The following VIPR1 variants were observed in gnomAD, a reference collection of about 807,000 sequenced individuals.
VIPR1 encodes vasoactive intestinal polypeptide receptor 1.
VIPR1 carries 59 observed loss-of-function variants against 58.8 expected under a neutral mutation model. That is an observed-to-expected ratio of 1.00 (90% CI 0.81 to 1.25). The LOEUF (loss-of-function observed/expected upper bound fraction) is 1.25, where lower values mean the gene tolerates loss of function less well. Ranked by LOEUF, VIPR1 falls within the 50% of genes most tolerant of loss-of-function variation. The pLI is 0.00. For synonymous variants in VIPR1, 251 were observed against 242.1 expected (o/e 1.04, Z -0.34); for missense variants, 626 against 602.7 (o/e 1.04, Z -0.40).
chr3:42,535,239 C>T, intron 11 of VIPR1, 104 bp from the exon 12 acceptor site: 1 of 1,597,172 alleles, frequency 6.3e-7, no homozygotes, highest in South Asian at 1.1e-5. Context: ...TTGTGCTTAG[C>T]TCTTTCCTTA....
chr3:42,527,659 G>A, intron 5 of VIPR1, 163 bp downstream of exon 5: 1 of 709,686 alleles, frequency 1.4e-6, no homozygotes, highest in Non-Finnish European at 2.4e-6. Flanking sequence ...GGAGAAGGCA[G>A]GTGGCTGAGC....
intron 1 of VIPR1, among the ~76,000 whole-genome samples, chr3:42,495,736 A>G (rs972315621): frequency 1.3e-5 from 2 of 152,048 alleles, no homozygotes; most frequent in Admixed American, 6.6e-5. Context: ...CATGGCTAGA[A>G]CCTGAGGTCA....
intron 1 of VIPR1, among the ~76,000 whole-genome samples, chr3:42,495,067 G>A (rs550133028): frequency 4.9e-4 from 75 of 152,136 alleles, no homozygotes; most frequent in Non-Finnish European, 8.1e-4. Context: ...CCAAATATCC[G>A]TCACCCAGTT....
chr3:42,527,867 C>CG, intron 5 of VIPR1, 124 bp from the exon 6 acceptor site: 1 of 1,356,540 alleles, frequency 7.4e-7, no homozygotes, highest in Non-Finnish European at 1.0e-6. Flanking sequence ...CCCTTTGAGG[C>CG]GGGGCCTGCC....
chr3:42,496,880 A>G (rs559710636), intron 1 of VIPR1, among the ~76,000 whole-genome samples: 1 of 152,232 alleles, frequency 6.6e-6, no homozygotes, highest in Admixed American at 6.5e-5. Context: ...TCCCAAACAA[A>G]CAATCTTTTA....
intron 1 of VIPR1, among the ~76,000 whole-genome samples, chr3:42,508,399 C>G (rs913036912): frequency 1.3e-5 from 2 of 152,210 alleles, no homozygotes; most frequent in African/African-American, 4.8e-5. Context: ...GAACTAGGCT[C>G]TGCCACCTCG....
At position 42,504,902 on chromosome 3, in the gene VIPR1, CAAAAAAAAAA is replaced by C. The variant is rs56310463; in HGVS notation, c.78+2104_78+2113del. ...AAGGAGAAATCTCTGAAAAGGGAGG[CAAAAAAAAAA>C]AAAAAAAAAAAAAAGGAAAGAAAAC... On this transcript the variant is annotated intron_variant, in intron 1 of 12. Transcript: ENST00000325123. Among the ~76,000 whole-genome samples the C allele has an allele frequency of 2.5e-3, 132 of 52,982 alleles. 1 individual carries two copies. The highest frequency in any genetic ancestry group is 7.8e-3 in the African/African-American group (108 of 13,898). 34.8% of individuals were successfully genotyped at this position (52,982 alleles called of 152,430 possible). A position where few individuals can be genotyped will look rare whatever the true frequency, so the allele number is the denominator to read the frequency against.
At chr3:42,535,720 G>C (rs988601151) in intron 12 of VIPR1, among the ~76,000 whole-genome samples, 1 of 152,090 alleles carries the variant, frequency 6.6e-6, no homozygotes, top group Non-Finnish European at 1.5e-5. Context: ...GAGGGATGAG[G>C]GCTTCCAATG....
chr3:42,494,756 T>C (rs1170090541), intron 1 of VIPR1, among the ~76,000 whole-genome samples: 1 of 152,220 alleles, frequency 6.6e-6, no homozygotes, highest in Non-Finnish European at 1.5e-5. Context: ...CTTCTTTCTT[T>C]GGATTTAATT....
chr3:42,527,351 C>A, intron 4 of VIPR1, 42 bp from the exon 5 acceptor site: 1 of 1,550,836 alleles, frequency 6.4e-7, no homozygotes, highest in Non-Finnish European at 8.9e-7. Flanking sequence ...AGATGAGCCT[C>A]CCACCCCACC....
intron 2 of VIPR1, among the ~76,000 whole-genome samples, chr3:42,516,266 G>A (rs9864969): frequency 0.032 from 4,887 of 152,246 alleles, 253 homozygotes; most frequent in African/African-American, 0.11. Flanking sequence ...TGGGACCTAT[G>A]GGGCCTCATT....
chr3:42,535,351 G>A lies in VIPR1; in HGVS notation c.1149G>A (p.Val383=), dbSNP rs1305390323. The stretch of plus-strand genomic sequence containing the variant: ...GTCATCTTCCTTCTCAGGGTTTTGT[G>A]GTGGCTATCCTCTACTGCTTCCTCA... ...ELVVGSFQGF[V]VAILYCFLNG... The change falls in exon 12 of 13, where the codon GTG becomes GTA. Residue 383 remains valine, a synonymous_variant. Transcript: ENST00000325123. 3 of 1,614,112 alleles carry A rather than the reference G, an allele frequency of 1.9e-6. No homozygotes were observed. Among genetic ancestry groups the A allele is most frequent in the Non-Finnish European group, 2.5e-6 (3 of 1,180,018 alleles).
At chr3:42,499,704 C>A (rs968232537), upstream of VIPR1, among the ~76,000 whole-genome samples, 1 of 152,124 alleles carries the variant, frequency 6.6e-6, no homozygotes, top group Non-Finnish European at 1.5e-5. Flanking sequence ...AGGCTTTGGA[C>A]AGGGTGGGGA....
chr3:42,499,473 G>A (rs1322101416), upstream of VIPR1, among the ~76,000 whole-genome samples: 10 of 152,208 alleles, frequency 6.6e-5, no homozygotes, highest in Admixed American at 4.6e-4. Flanking sequence ...GCCACCTCCC[G>A]TGTCCTTGGC....
intron 1 of VIPR1, among the ~76,000 whole-genome samples, chr3:42,510,899 T>A (rs961519503): frequency 6.6e-6 from 1 of 151,660 alleles, no homozygotes; most frequent in Non-Finnish European, 1.5e-5. Flanking sequence ...CCTCAGAGAG[T>A]CGCAAGCAGA....
At position 42,535,030 on chromosome 3, in the gene VIPR1, A is replaced by T; in HGVS notation, c.1066A>T (p.Met356Leu). The T allele has an allele frequency of 6.2e-7, 1 of 1,614,078 alleles. No homozygotes were observed. Among genetic ancestry groups the T allele is most frequent in the Non-Finnish European group, 8.5e-7 (1 of 1,179,994 alleles). ...LIPLFGVHYIMFAFFPDNFKP... is the reference protein window; with the variant it reads ...LIPLFGVHYILFAFFPDNFKP... The stretch of plus-strand genomic sequence containing the variant: ...CCCCCTGTTTGGAGTACACTACATC[A>T]TGTTCGCCTTCTTTCCGGACAATTT... Residue 356 changes from methionine to leucine, a missense_variant, in exon 11 of 13, where the codon ATG (methionine) becomes TTG (leucine). Physicochemically the swap from Met to Leu is conservative, Grantham distance 15 (BLOSUM62 2). Transcript: ENST00000325123.
chr3:42,528,334 A>C, intron 6 of VIPR1: 22 of 637,658 alleles, frequency 3.5e-5, no homozygotes, highest in Non-Finnish European at 4.1e-5. Context: ...TTGCTCACCC[A>C]TCTGGGTGCT....
At chr3:42,526,088 T>C in intron 4 of VIPR1, 95 bp downstream of exon 4, 1 of 1,233,208 alleles carries the variant, frequency 8.1e-7, no homozygotes, top group East Asian at 2.5e-5. Flanking sequence ...TTGCTGTCTG[T>C]GTGGGAACAG....
chr3:42,522,569 C>T (rs1249167179), intron 3 of VIPR1, among the ~76,000 whole-genome samples: 3 of 152,068 alleles, frequency 2.0e-5, no homozygotes, highest in Non-Finnish European at 2.9e-5. Flanking sequence ...ATAAGAAAAC[C>T]TTGCTGCCAG....
Sources: allele counts gnomAD v4.1 joint callset (sites outside exome capture counted in the v4.1 genomes callset), GRCh38; gene constraint gnomAD v4.1.1; transcripts MANE v1.5; gene names NCBI Gene and HGNC (gene_info 2026-07-23, HGNC 2026-07-21).